Variants in TPST2 observed in about 807,000 individuals in gnomAD.
TPST2 encodes the protein tyrosylprotein sulfotransferase 2.
TPST2 carries 16 observed loss-of-function variants against 27.8 expected under a neutral mutation model. The observed-to-expected ratio is 0.58, with a 90% CI of 0.39 to 0.88. The LOEUF (loss-of-function observed/expected upper bound fraction) is 0.88. Ranked by LOEUF, TPST2 falls within the 40% of genes least tolerant of loss-of-function variation. The probability of loss-of-function intolerance (pLI) is 0.00; values close to 1 mark genes in which losing one functional copy is unlikely to be tolerated. For missense variants in TPST2, 464 were observed against 543.1 expected (o/e 0.85, Z 1.45); for synonymous variants, 229 against 231.7 (o/e 0.99, Z 0.10).
At position 26,584,681 on chromosome 22, in the gene TPST2, A is replaced by G. The variant is rs2145942426; in HGVS notation, c.-161+5372T>C. On this transcript the variant is annotated intron_variant, in intron 1 of 6. Coordinates refer to ENST00000338754, the MANE Select transcript of TPST2 (RefSeq NM_003595.5). The stretch of plus-strand genomic sequence containing the variant: ...CCCTGTCTCAAAACAAACAAACAAA[A>G]AAACCCAAAACAAAAAAAAAAGAAA... 1.3e-5 allele frequency among the ~76,000 whole-genome samples: 2 copies of G among 152,286 alleles called. 1 individual carries two copies.
chr22:26,560,762 C>G (rs1466495536), intron 1 of TPST2: 3 of 1,186,018 alleles, frequency 2.5e-6, no homozygotes, highest in African/African-American at 1.5e-5. Flanking sequence ...AAACCTATAT[C>G]CCTCCCAAAG....
At chr22:26,587,582 C>G (rs544653602) in intron 1 of TPST2, among the ~76,000 whole-genome samples, 2 of 152,156 alleles carry the variant, frequency 1.3e-5, no homozygotes, top group Admixed American at 6.5e-5. Context: ...CTCAGGTGAC[C>G]TGCCCACCTT....
chr22:26,528,309 G>A (rs1217983724), intron 5 of TPST2, 47 bp from the exon 6 acceptor site: 3 of 1,551,656 alleles, frequency 1.9e-6, no homozygotes, highest in South Asian at 2.4e-5. Context: ...CCAGGTGAGG[G>A]ATGCCTTGCT....
In TPST2 at chr22:26,540,968, C is replaced by G. The variant is rs1272844427; in HGVS notation, c.663G>C (p.Met221Ile). The change falls in exon 3 of 7, where the codon ATG (methionine) becomes ATC (isoleucine). Residue 221 changes from methionine to isoleucine, a missense_variant. By Grantham distance (10) the Met-to-Ile change is conservative. Coordinates refer to ENST00000338754, the MANE Select transcript of TPST2 (RefSeq NM_003595.5). The part of the protein sequence containing the change: ...LTKWNKAIEV[M>I]YAQCMEVGKE... The stretch of plus-strand genomic sequence containing the variant: ...TGCCTACCTCCATGCACTGGGCGTA[C>G]ATCACCTCGATGGCCTTGTTCCACT... 1.2e-6 allele frequency: 2 copies of G among 1,614,200 alleles called. No homozygotes were observed. The highest frequency in any genetic ancestry group is 8.5e-7 in the Non-Finnish European group (1 of 1,180,038).
intron 1 of TPST2, among the ~76,000 whole-genome samples, chr22:26,572,658 C>T (rs1374146886): frequency 6.6e-6 from 1 of 152,122 alleles, no homozygotes; most frequent in East Asian, 1.9e-4. Context: ...CCTCCTATGT[C>T]TCACAGTCCC....
chr22:26,550,583 T>C, intron 1 of TPST2: 1 of 985,504 alleles, frequency 1.0e-6, no homozygotes, highest in Non-Finnish European at 1.2e-6. Flanking sequence ...AGGAGGTCAC[T>C]GCACTTACAG....
At chr22:26,570,584 T>C (rs1927591121) in intron 1 of TPST2, among the ~76,000 whole-genome samples, 1 of 152,126 alleles carries the variant, frequency 6.6e-6, no homozygotes, top group Non-Finnish European at 1.5e-5. Flanking sequence ...CAGGAGATAC[T>C]AGCGCCCCTG....
intron 1 of TPST2, among the ~76,000 whole-genome samples, chr22:26,555,832 T>TG (rs1926765176): frequency 6.6e-6 from 1 of 152,186 alleles, no homozygotes; most frequent in Non-Finnish European, 1.5e-5. Flanking sequence ...GGCAACCCTG[T>TG]GGGGGAGACA....
intron 1 of TPST2, among the ~76,000 whole-genome samples, chr22:26,570,629 CA>C (rs1283387172): frequency 6.6e-6 from 1 of 151,592 alleles, no homozygotes; most frequent in Non-Finnish European, 1.5e-5. Flanking sequence ...CCTGAATTGT[CA>C]TCTTGAACCC....
chr22:26,543,755 G>A (rs1232269315), intron 2 of TPST2, among the ~76,000 whole-genome samples: 2 of 152,234 alleles, frequency 1.3e-5, no homozygotes, highest in East Asian at 3.8e-4. Context: ...GATCAGACCA[G>A]GCCAAGGCTG....
chr22:26,555,365 G>T (rs1417799534), intron 1 of TPST2: 6 of 438,734 alleles, frequency 1.4e-5, no homozygotes, highest in Admixed American at 1.0e-4. Context: ...TGGAGTGCAG[G>T]GGTCAGGAGT....
At chr22:26,553,190 C>T (rs1170963047) in intron 1 of TPST2, among the ~76,000 whole-genome samples, 1 of 151,810 alleles carries the variant, frequency 6.6e-6, no homozygotes, top group Admixed American at 6.6e-5. Flanking sequence ...GGACTTTTCT[C>T]AGTAGGGACT....
intron 1 of TPST2, among the ~76,000 whole-genome samples, chr22:26,575,379 G>A (rs1354233647): frequency 3.3e-5 from 5 of 151,936 alleles, no homozygotes; most frequent in South Asian, 4.2e-4. Context: ...AAATAATTAC[G>A]GCAATAACAG....
intron 1 of TPST2, among the ~76,000 whole-genome samples, chr22:26,546,161 A>G (rs7288210): frequency 0.58 from 88,647 of 151,842 alleles, 26,354 homozygotes; most frequent in Non-Finnish European, 0.62. Flanking sequence ...TGTTGACTGC[A>G]TTTCTTGGTC....
At chr22:26,557,496 T>A (rs1926862556) in intron 1 of TPST2, among the ~76,000 whole-genome samples, 1 of 152,154 alleles carries the variant, frequency 6.6e-6, no homozygotes, top group African/African-American at 2.4e-5. Flanking sequence ...GTGAGTCCCA[T>A]CTGAATCTAC....
chr22:26,563,669 GAAC>G (rs1350570175), intron 1 of TPST2, among the ~76,000 whole-genome samples: 1 of 152,122 alleles, frequency 6.6e-6, no homozygotes, highest in Non-Finnish European at 1.5e-5. Context: ...ATCCCAGCAG[GAAC>G]AACACACCAT....
chr22:26,589,731 C>A (rs916448111), intron 1 of TPST2, among the ~76,000 whole-genome samples: 10 of 152,270 alleles, frequency 6.6e-5, no homozygotes, highest in Middle Eastern at 3.4e-3. Flanking sequence ...CCCCCCCAGT[C>A]CCCCCGCCAA....
At chr22:26,545,955 T>C (rs955540760) in intron 1 of TPST2, among the ~76,000 whole-genome samples, 4 of 151,766 alleles carry the variant, frequency 2.6e-5, no homozygotes, top group East Asian at 1.9e-4. Context: ...TACCTGCCTA[T>C]AGTCCCGGCT....
chr22:26,550,534 G>A (rs1350505449), intron 1 of TPST2: 2 of 960,236 alleles, frequency 2.1e-6, no homozygotes, highest in Admixed American at 6.2e-5. Flanking sequence ...GGCAGGGAGG[G>A]GACAACAGCG....
Sources: gnomAD v4.1 joint callset for allele counts (sites outside exome capture counted in the v4.1 genomes callset) on GRCh38, gnomAD v4.1.1 for gene constraint, MANE v1.5 for transcripts, NCBI Gene and HGNC (gene_info 2026-07-23, HGNC 2026-07-21) for gene names.